The following L3MBTL4 variants were observed in gnomAD, a reference collection of about 807,000 sequenced individuals.
L3MBTL4 encodes lethal(3)malignant brain tumor-like protein 4.
In L3MBTL4, 70 loss-of-function variants were observed where a neutral mutation model predicts 84.5. That is an observed-to-expected ratio of 0.83 (90% CI 0.68 to 1.01). L3MBTL4 has a LOEUF of 1.01. L3MBTL4 is among the 50% of genes least tolerant of loss of function. The probability of loss-of-function intolerance (pLI) is 0.00; values close to 1 mark genes in which losing one functional copy is unlikely to be tolerated. For missense variants in L3MBTL4, 715 were observed against 754.8 expected, an observed-to-expected ratio of 0.95 and a Z score of 0.62; for synonymous variants, 274 against 259.8, an observed-to-expected ratio of 1.05 and a Z score of -0.52.
rs75856978 is a variant in L3MBTL4, at chr18:6,178,876, C to T, written c.982-6934G>A. Reference sequence around the variant, plus strand: ...CCTTATCTTTACTTCCCAATGCCCACAGTAGGACTTGCCCTGAGCCCCTTA... The same window carrying T: ...CCTTATCTTTACTTCCCAATGCCCATAGTAGGACTTGCCCTGAGCCCCTTA... On this transcript the variant is annotated intron_variant, in intron 12 of 18. Transcript: ENST00000317931. 7.6e-3 allele frequency among the ~76,000 whole-genome samples: 1,164 copies of T among 152,304 alleles called. 20 individuals are homozygous for T. The highest frequency in any genetic ancestry group is 0.027 in the African/African-American group (1,113 of 41,566).
chr18:5,997,007 G>T (rs934215214), intron 16 of L3MBTL4, among the ~76,000 whole-genome samples: 1 of 142,012 alleles, frequency 7.0e-6, no homozygotes. Context: ...TTGATCCTCA[G>T]TATCCATGTC....
intron 1 of L3MBTL4, among the ~76,000 whole-genome samples, chr18:6,371,403 C>T (rs1180651560): frequency 6.6e-6 from 1 of 152,140 alleles, no homozygotes; most frequent in Admixed American, 6.5e-5. Context: ...ACTCTGTAAG[C>T]GAGACCCTGC....
chr18:6,199,928 A>C (rs954618912), intron 12 of L3MBTL4, among the ~76,000 whole-genome samples: 14 of 152,200 alleles, frequency 9.2e-5, no homozygotes, highest in South Asian at 6.2e-4. Context: ...GCAGTGAAAG[A>C]GCTCTGGAAG....
intron 16 of L3MBTL4, chr18:6,046,678 A>C: frequency 2.7e-6 from 2 of 748,860 alleles, no homozygotes; most frequent in Non-Finnish European, 4.9e-6. Flanking sequence ...AAACTAAGGC[A>C]GAAGTAAAAA....
intron 5 of L3MBTL4, among the ~76,000 whole-genome samples, chr18:6,249,090 A>C (rs1277433151): frequency 2.0e-5 from 3 of 152,100 alleles, no homozygotes; most frequent in Non-Finnish European, 4.4e-5. Context: ...CACATCTACT[A>C]TGTTTTCCAG....
chr18:6,144,254 T>A (rs1871812207), intron 13 of L3MBTL4, among the ~76,000 whole-genome samples: 1 of 151,368 alleles, frequency 6.6e-6, no homozygotes, highest in Non-Finnish European at 1.5e-5. Flanking sequence ...AGCACTATTT[T>A]ATCACAATGC....
chr18:5,998,043 C>T (rs147920671), intron 16 of L3MBTL4, among the ~76,000 whole-genome samples: 1 of 152,256 alleles, frequency 6.6e-6, no homozygotes, highest in East Asian at 1.9e-4. Context: ...TACAACAAAC[C>T]AAACTAAAAC....
intron 13 of L3MBTL4, among the ~76,000 whole-genome samples, chr18:6,161,763 C>T (rs895763930): frequency 4.6e-5 from 7 of 152,116 alleles, no homozygotes; most frequent in African/African-American, 1.7e-4. Context: ...GGGCTCACCC[C>T]ACTGCATTCT....
intron 13 of L3MBTL4, among the ~76,000 whole-genome samples, chr18:6,147,735 C>A (rs566512584): frequency 6.6e-6 from 1 of 152,300 alleles, no homozygotes; most frequent in East Asian, 1.9e-4. Context: ...CTCCAAAAGT[C>A]TCTTTCACAG....
chr18:6,083,949 C>T (rs1222717143), intron 15 of L3MBTL4, among the ~76,000 whole-genome samples: 1 of 152,116 alleles, frequency 6.6e-6, no homozygotes. Flanking sequence ...CCTCTCTGAC[C>T]CTCTTTCTAG....
At chr18:6,331,476 GA>G (rs921141052) in intron 1 of L3MBTL4, among the ~76,000 whole-genome samples, 55 of 151,652 alleles carry the variant, frequency 3.6e-4, no homozygotes, top group African/African-American at 1.2e-3. Context: ...AAATTAGTAT[GA>G]AAAAAAAGTC....
intron 16 of L3MBTL4, among the ~76,000 whole-genome samples, chr18:6,052,209 A>G (rs554475933): frequency 6.6e-6 from 1 of 152,306 alleles, no homozygotes; most frequent in Non-Finnish European, 1.5e-5. Flanking sequence ...TGATGTTTTG[A>G]TTTTTAAATT....
chr18:6,147,072 T>C (rs1431577704), intron 13 of L3MBTL4, among the ~76,000 whole-genome samples: 1 of 150,990 alleles, frequency 6.6e-6, no homozygotes, highest in Non-Finnish European at 1.5e-5. Flanking sequence ...TAAAAATCAA[T>C]AAAGCAAACT....
intron 1 of L3MBTL4, among the ~76,000 whole-genome samples, chr18:6,409,550 G>C (rs1430633987): frequency 6.6e-6 from 1 of 152,138 alleles, no homozygotes; most frequent in Non-Finnish European, 1.5e-5. Context: ...CTACCACAGA[G>C]GCTCTTGATG....
chr18:6,049,080 G>A (rs1163983226), intron 16 of L3MBTL4, among the ~76,000 whole-genome samples: 16 of 151,932 alleles, frequency 1.1e-4, no homozygotes, highest in African/African-American at 2.2e-4. Context: ...GAGCCCAGGC[G>A]TTTGAGACTT....
At chr18:6,227,289 T>C (rs1158227817) in intron 10 of L3MBTL4, among the ~76,000 whole-genome samples, 1 of 152,176 alleles carries the variant, frequency 6.6e-6, no homozygotes, top group African/African-American at 2.4e-5. Flanking sequence ...CGACTTGAAC[T>C]AATTGATTAT....
intron 16 of L3MBTL4, among the ~76,000 whole-genome samples, chr18:6,001,165 C>G (rs1598403451): frequency 6.6e-6 from 1 of 152,236 alleles, no homozygotes; most frequent in South Asian, 2.1e-4. Flanking sequence ...GGATCTGTGT[C>G]CTCATAACTG....
At chr18:6,402,980 G>C (rs1261424804) in intron 1 of L3MBTL4, among the ~76,000 whole-genome samples, 1 of 152,182 alleles carries the variant, frequency 6.6e-6, no homozygotes, top group South Asian at 2.1e-4. Flanking sequence ...GCAGAGGTAG[G>C]AAAGAAGGGG....
At chr18:6,163,308 G>GTGTGTGTGT (rs1260518041) in intron 13 of L3MBTL4, among the ~76,000 whole-genome samples, 5 of 78,286 alleles carry the variant, frequency 6.4e-5, no homozygotes, top group East Asian at 4.8e-4. Flanking sequence ...TGTGTGTGTG[G>GTGTGTGTGT]GTGGGTGTGT....
Sources: gnomAD v4.1 joint callset for allele counts (sites outside exome capture counted in the v4.1 genomes callset) on GRCh38, gnomAD v4.1.1 for gene constraint, MANE v1.5 for transcripts, NCBI Gene and HGNC (gene_info 2026-07-23, HGNC 2026-07-21) for gene names.